Variants in MRPS35 observed in about 807,000 individuals in gnomAD.
MRPS35 encodes the protein mitochondrial ribosomal protein S35.
A neutral mutation model predicts 32.7 loss-of-function variants in MRPS35; 29 were observed. The observed-to-expected ratio is 0.89, with a 90% confidence interval of 0.66 to 1.21. The LOEUF is 1.21. MRPS35 is among the 50% of genes most tolerant of loss of function. MRPS35 has a pLI of 0.00. For synonymous variants in MRPS35, 148 were observed against 139.3 expected (o/e 1.06, Z -0.44); for missense variants, 373 against 383.8 (o/e 0.97, Z 0.23).
chr12:27,745,641 C>A (rs574526353), intron 7 of MRPS35, among the ~76,000 whole-genome samples: 10 of 151,658 alleles, frequency 6.6e-5, no homozygotes, highest in Middle Eastern at 3.4e-3. Flanking sequence ...CATATTTATA[C>A]ATGTGCCATG....
At chr12:27,754,247 C>CT (rs1789456731) in intron 7 of MRPS35, among the ~76,000 whole-genome samples, 1 of 152,052 alleles carries the variant, frequency 6.6e-6, no homozygotes, top group Non-Finnish European at 1.5e-5. Context: ...GAGCGAGACT[C>CT]TGTCTTGGCG....
At chr12:27,749,376 T>C (rs2061993207) in intron 7 of MRPS35, among the ~76,000 whole-genome samples, 1 of 152,190 alleles carries the variant, frequency 6.6e-6, no homozygotes, top group South Asian at 2.1e-4. Context: ...ATTTCAAAAT[T>C]GTTATTTTTA....
At position 27,756,221 on chromosome 12, in the gene MRPS35, C is replaced by T. The variant is rs2062025809; in HGVS notation, c.*771C>T. 1 of 152,224 alleles carries T rather than the reference C, an allele frequency of 6.6e-6. No individual in the cohort carries two copies. Among genetic ancestry groups the T allele is most frequent in the South Asian group, 2.1e-4 (1 of 4,834 alleles). The allele number at this position is 152,224 out of a possible 1,614,324, so 9.4% of individuals were successfully genotyped here. ...GCTGTCAATTCAGTATTTTTAAGTACACCTGTCAGCTGTTTCTTACCACTT... is the reference window on the plus strand; with the variant it reads ...GCTGTCAATTCAGTATTTTTAAGTATACCTGTCAGCTGTTTCTTACCACTT... On this transcript the variant is annotated 3_prime_UTR_variant, in exon 8 of 8. Transcript: ENST00000081029.
At chr12:27,748,633 T>A (rs1055749239) in intron 7 of MRPS35, among the ~76,000 whole-genome samples, 2 of 152,170 alleles carry the variant, frequency 1.3e-5, no homozygotes, top group South Asian at 4.1e-4. Context: ...TGCTGTTGTT[T>A]GTGCTTTAAA....
At chr12:27,754,283 T>A (rs556684469) in intron 7 of MRPS35, among the ~76,000 whole-genome samples, 1 of 151,814 alleles carries the variant, frequency 6.6e-6, no homozygotes, top group Non-Finnish European at 1.5e-5. Context: ...TTCCAGGATA[T>A]ATGAAGTCAT....
At chr12:27,732,588 G>C (rs1039119094) in intron 5 of MRPS35, among the ~76,000 whole-genome samples, 1 of 152,086 alleles carries the variant, frequency 6.6e-6, no homozygotes, top group African/African-American at 2.4e-5. Flanking sequence ...CATGATTAAA[G>C]CAATATCGTG....
At chr12:27,722,073 C>T (rs2061878743) in intron 4 of MRPS35, among the ~76,000 whole-genome samples, 2 of 152,180 alleles carry the variant, frequency 1.3e-5, no homozygotes, top group South Asian at 4.1e-4. Context: ...GGCTTTTATA[C>T]AGCACATTCG....
intron 4 of MRPS35, among the ~76,000 whole-genome samples, chr12:27,721,114 A>G (rs1424253965): frequency 1.3e-5 from 2 of 152,222 alleles, no homozygotes; most frequent in African/African-American, 4.8e-5. Context: ...GAGATGTGGA[A>G]TAGTAAACAT....
At chr12:27,712,357 G>A (rs564852787) in intron 1 of MRPS35, among the ~76,000 whole-genome samples, 1 of 152,312 alleles carries the variant, frequency 6.6e-6, no homozygotes, top group East Asian at 1.9e-4. Flanking sequence ...CATTTCATTT[G>A]GATTTTTGGC....
intron 3 of MRPS35, among the ~76,000 whole-genome samples, chr12:27,717,523 T>C (rs1232886049): frequency 1.3e-5 from 2 of 152,188 alleles, no homozygotes; most frequent in African/African-American, 4.8e-5. Flanking sequence ...CAATGAACTG[T>C]TTTCCATTAG....
chr12:27,752,293 TCAATATCTTGG>T (rs2140786259), intron 7 of MRPS35, among the ~76,000 whole-genome samples: 1 of 152,204 alleles, frequency 6.6e-6, no homozygotes, highest in South Asian at 2.1e-4. Context: ...GCTGAGGGAA[TCAATATCTTGG>T]CATACCTGTA....
intron 7 of MRPS35, among the ~76,000 whole-genome samples, chr12:27,750,632 G>A (rs1189993803): frequency 6.9e-6 from 1 of 143,948 alleles, no homozygotes; most frequent in Non-Finnish European, 1.5e-5. Context: ...GCAAAACCCC[G>A]TCTCTACAAA....
intron 5 of MRPS35, among the ~76,000 whole-genome samples, chr12:27,727,438 T>C (rs2061904853): frequency 6.6e-6 from 1 of 152,136 alleles, no homozygotes; most frequent in Non-Finnish European, 1.5e-5. Context: ...TTACAGTTGT[T>C]ACAGTATTTA....
intron 6 of MRPS35, among the ~76,000 whole-genome samples, 170 bp from the exon 7 acceptor site, chr12:27,737,369 C>T (rs1197325880): frequency 1.3e-5 from 2 of 152,220 alleles, no homozygotes; most frequent in African/African-American, 4.8e-5. Context: ...GTTTAGCTTC[C>T]TCAAGTAATG....
chr12:27,714,760 GTGT>G lies in MRPS35; in HGVS notation c.113-18_113-16del. On this transcript the variant is annotated splice_polypyrimidine_tract_variant and intron_variant, in intron 1 of 7. Transcript: ENST00000081029. ...CATGATAAAATTCTCTTTAACTACT[GTGT>G]TATCTTTTACGTACAGCGGAAAGAA... 2 of 1,593,982 alleles carry G rather than the reference GTGT, an allele frequency of 1.3e-6. No individual in the cohort carries two copies. Among genetic ancestry groups the G allele is most frequent in the South Asian group, 2.2e-5 (2 of 90,378 alleles).
chr12:27,723,274 G>GTT (rs748308191), intron 4 of MRPS35, among the ~76,000 whole-genome samples: 10 of 146,222 alleles, frequency 6.8e-5, no homozygotes, highest in African/African-American at 2.0e-4. Flanking sequence ...TTTCCTTTAA[G>GTT]TTTTTTTTTT....
intron 4 of MRPS35, among the ~76,000 whole-genome samples, chr12:27,721,180 G>A (rs1318632672): frequency 6.6e-6 from 1 of 152,116 alleles, no homozygotes; most frequent in Admixed American, 6.5e-5. Flanking sequence ...ATGTAAGGAA[G>A]ACTATATAAA....
intron 7 of MRPS35, among the ~76,000 whole-genome samples, chr12:27,752,419 G>A (rs939283253): frequency 3.3e-5 from 5 of 152,192 alleles, no homozygotes; most frequent in Non-Finnish European, 7.3e-5. Context: ...ATTCCTCTGC[G>A]TAAGCATCTA....
chr12:27,723,058 A>G (rs569238457), intron 4 of MRPS35, among the ~76,000 whole-genome samples: 1 of 152,302 alleles, frequency 6.6e-6, no homozygotes, highest in African/African-American at 2.4e-5. Flanking sequence ...GGATCTGTGC[A>G]GTCTAATATG....
Sources: gnomAD v4.1 joint callset for allele counts (sites outside exome capture counted in the v4.1 genomes callset) on GRCh38, gnomAD v4.1.1 for gene constraint, MANE v1.5 for transcripts, NCBI Gene and HGNC (gene_info 2026-07-23, HGNC 2026-07-21) for gene names.